The following RNF17 variants were observed in gnomAD, a reference collection of about 807,000 sequenced individuals.
RNF17 encodes ring finger protein 17.
RNF17 carries 31 observed loss-of-function variants against 200.5 expected under a neutral mutation model. That is an observed-to-expected ratio of 0.15 (90% confidence interval 0.12 to 0.21). The LOEUF is 0.21. Among genes scored for constraint, RNF17 ranks in the 10% least tolerant of loss-of-function variants. RNF17 has a pLI of 1.00. For synonymous variants in RNF17, 606 were observed against 637.8 expected, an observed-to-expected ratio of 0.95 and a Z score of 0.75; for missense variants, 1,628 against 1,905.1, an observed-to-expected ratio of 0.85 and a Z score of 2.71.
chr13:24,773,345 G>C (rs770876691), intron 2 of RNF17, among the ~76,000 whole-genome samples: 1 of 152,154 alleles, frequency 6.6e-6, no homozygotes, highest in Non-Finnish European at 1.5e-5. Context: ...AATGTTGTAC[G>C]TATACACCAC....
At chr13:24,885,709 T>A in the RNF17 span, 1 of 1,434,978 alleles carries the variant, frequency 7.0e-7, no homozygotes, top group Non-Finnish European at 9.8e-7. Context: ...ATTTAATATT[T>A]AATTGAAAAT....
At chr13:24,786,832 G>A (rs577877564) in intron 6 of RNF17, among the ~76,000 whole-genome samples, 1 of 152,018 alleles carries the variant, frequency 6.6e-6, no homozygotes, top group African/African-American at 2.4e-5. Flanking sequence ...AGTTCCTTGA[G>A]CTCTTAGATT....
At chr13:24,747,783 C>G in the RNF17 span, among the ~76,000 whole-genome samples, 1 of 152,250 alleles carries the variant, frequency 6.6e-6, no homozygotes, top group Non-Finnish European at 1.5e-5. Flanking sequence ...CCGGCCTGGC[C>G]GCCCAACGCA....
intron 5 of RNF17, among the ~76,000 whole-genome samples, chr13:24,781,101 G>C (rs769135407): frequency 2.6e-5 from 4 of 151,990 alleles, no homozygotes; most frequent in African/African-American, 4.8e-5. Context: ...CAGAAGGAAA[G>C]AAGGGGTCAT....
At chr13:24,812,686 T>TCCCCC (rs1886857916) in intron 15 of RNF17, among the ~76,000 whole-genome samples, 5 of 13,026 alleles carry the variant, frequency 3.8e-4, no homozygotes, top group African/African-American at 5.3e-4. Context: ...CCCACCCCCT[T>TCCCCC]TTTTTTTTTT....
intron 25 of RNF17, among the ~76,000 whole-genome samples, chr13:24,857,438 A>G (rs1420547039): frequency 1.3e-5 from 2 of 152,168 alleles, no homozygotes; most frequent in African/African-American, 2.4e-5. Context: ...CCCGGTTTCT[A>G]TAGGCTGCTA....
intron 34 of RNF17, among the ~76,000 whole-genome samples, chr13:24,877,564 G>A (rs531783811): frequency 2.6e-5 from 4 of 152,266 alleles, no homozygotes; most frequent in South Asian, 2.1e-4. Context: ...TGGGGGAAGC[G>A]TAAGAAGAAA....
intron 6 of RNF17, among the ~76,000 whole-genome samples, chr13:24,783,843 A>G (rs543422197): frequency 3.9e-5 from 6 of 152,312 alleles, no homozygotes; most frequent in Non-Finnish European, 8.8e-5. Context: ...AGATGATTTT[A>G]CTTCTTCCTT....
intron 24 of RNF17, among the ~76,000 whole-genome samples, chr13:24,853,166 A>T (rs57168129): frequency 6.6e-6 from 1 of 152,032 alleles, no homozygotes; most frequent in Admixed American, 6.5e-5. Context: ...TTCCTGCCTC[A>T]GTCTCCCAAA....
chr13:24,859,742 C>T (rs1044470492), intron 26 of RNF17, among the ~76,000 whole-genome samples: 2 of 151,934 alleles, frequency 1.3e-5, no homozygotes, highest in African/African-American at 4.8e-5. Flanking sequence ...GGGAGAAAAA[C>T]TTAAGTGAAA....
intron 34 of RNF17, 47 bp from the exon 35 acceptor site, chr13:24,879,140 A>T: frequency 7.0e-7 from 1 of 1,420,508 alleles, no homozygotes; most frequent in African/African-American, 1.4e-5. Context: ...GGGAAAAGGC[A>T]GCAAAGACAT....
chr13:24,806,944 C>T (rs2137780638), intron 15 of RNF17, among the ~76,000 whole-genome samples: 1 of 151,856 alleles, frequency 6.6e-6, no homozygotes, highest in African/African-American at 2.4e-5. Context: ...TGATGATTTC[C>T]AGTTTCATCC....
At chr13:24,832,434 A>G (rs892652872) in intron 18 of RNF17, among the ~76,000 whole-genome samples, 3 of 152,328 alleles carry the variant, frequency 2.0e-5, no homozygotes, top group African/African-American at 4.8e-5. Flanking sequence ...TTTTAGAGCA[A>G]TTGGGACCAA....
chr13:24,874,485 C>T (rs9511492), intron 33 of RNF17, among the ~76,000 whole-genome samples: 34,578 of 150,486 alleles, frequency 0.23, 4,433 homozygotes, highest in Non-Finnish European at 0.29. Flanking sequence ...TCTTGGCTCA[C>T]TGCAACCTCC....
chr13:24,767,328 A>G lies in RNF17; in HGVS notation c.187A>G (p.Thr63Ala). The change falls in exon 2 of 36, where the codon ACT (threonine) becomes GCT (alanine). Residue 63 changes from threonine to alanine, a missense_variant. By Grantham distance (58) the Thr-to-Ala change is moderately conservative (BLOSUM62 0). Coordinates refer to ENST00000255324, the MANE Select transcript of RNF17 (RefSeq NM_031277.3). ...TTTTTGTGAACTATGCTTGTTAATG[A>G]CTGAAGAATGCACCACAATTATATG... is the stretch of plus-strand genomic sequence containing the variant. ...HAFCELCLLMTEECTTIICPD... is the reference protein window; with the variant it reads ...HAFCELCLLMAEECTTIICPD... 1 of 1,612,620 alleles carries G rather than the reference A, an allele frequency of 6.2e-7. No individual in the cohort carries two copies. Among genetic ancestry groups the G allele is most frequent in the Non-Finnish European group, 8.5e-7 (1 of 1,178,670 alleles).
chr13:24,793,296 G>A lies in RNF17; in HGVS notation c.1190G>A (p.Gly397Glu). The change falls in exon 10 of 36, where the codon GGA becomes GAA. Residue 397 changes from glycine (G) to glutamate (E), a missense_variant. By Grantham distance (98) the Gly-to-Glu change is moderately conservative. This residue lies in a region of RNF17 where 502 missense variants were observed against 501.7 expected (regional missense o/e 1.00). Transcript: ENST00000255324. Reference protein sequence around the residue: ...PKTIAVLPQMGSSPDVIIEEI... With the variant: ...PKTIAVLPQMESSPDVIIEEI... ...ACCATTGCTGTGTTACCTCAGATGG[G>A]ATCTAGCCCTGATGTGATAATTGAA... 1.9e-6 allele frequency: 3 copies of A among 1,609,826 alleles called. No homozygotes were observed. The highest frequency in any genetic ancestry group is 2.5e-6 in the Non-Finnish European group (3 of 1,178,914).
the RNF17 span, chr13:24,885,873 T>C: frequency 5.3e-6 from 3 of 570,292 alleles, no homozygotes; most frequent in Middle Eastern, 4.8e-4. Flanking sequence ...GACAGTATCT[T>C]GTCTCAGAGT....
At chr13:24,873,676 A>T (rs1490062976) in intron 32 of RNF17, among the ~76,000 whole-genome samples, 3 of 152,170 alleles carry the variant, frequency 2.0e-5, no homozygotes, top group Non-Finnish European at 2.9e-5. Flanking sequence ...TGTACCTATC[A>T]ACCAACCTCT....
Position 24,789,873 on chromosome 13 carries a change from AAAAT to A in RNF17, c.935+105_935+108del, listed in dbSNP as rs1883629568. The A allele has an allele frequency of 9.5e-6, 7 of 736,458 alleles. No homozygotes were observed. In the Admixed American group the frequency reaches 1.4e-4, roughly 14 times the overall value. The allele number at this position is 736,458 out of a possible 1,614,324, so 45.6% of individuals were successfully genotyped here. A position where few individuals can be genotyped will look rare whatever the true frequency, so the allele number is the denominator to read the frequency against. ...ATGTTTAGTGTAATTCAAAAGCTGAAAAATAAAGGGCAAAATAGTTTCTATAGTT... is the reference window on the plus strand; with the variant it reads ...ATGTTTAGTGTAATTCAAAAGCTGAAAAAGGGCAAAATAGTTTCTATAGTT... On this transcript the variant is annotated intron_variant, in intron 9 of 35. Coordinates refer to ENST00000255324, the MANE Select transcript of RNF17 (RefSeq NM_031277.3).
Sources: gnomAD v4.1 joint callset for allele counts (sites outside exome capture counted in the v4.1 genomes callset) on GRCh38, gnomAD v4.1.1 for gene constraint, gnomAD v4.1.1 regional missense constraint, MANE v1.5 for transcripts, NCBI Gene and HGNC (gene_info 2026-07-23, HGNC 2026-07-21) for gene names.